SLC12A1: variants seen among roughly 807,000 people sequenced by gnomAD.
SLC12A1 encodes Na-K-2Cl cotransporter.
In SLC12A1, 89 loss-of-function variants were observed where a neutral mutation model predicts 130.4. The observed-to-expected ratio is 0.68, with a 90% confidence interval of 0.58 to 0.81. SLC12A1 has a LOEUF of 0.81. Among genes scored for constraint, SLC12A1 ranks in the 40% least tolerant of loss-of-function variants. The pLI is 0.00. For missense variants in SLC12A1, 1,310 were observed against 1,336.4 expected, an observed-to-expected ratio of 0.98 and a Z score of 0.31; for synonymous variants, 499 against 460.0, an observed-to-expected ratio of 1.08 and a Z score of -1.09.
chr15:48,238,407 G>T (rs923092668), intron 9 of SLC12A1, among the ~76,000 whole-genome samples: 1 of 152,152 alleles, frequency 6.6e-6, no homozygotes, highest in African/African-American at 2.4e-5. Context: ...AGACAGAAGA[G>T]GTTTGAGGCA....
In SLC12A1 at chr15:48,267,631, A is replaced by G. The variant is rs777327779; in HGVS notation, c.2225A>G (p.Asn742Ser). Residue 742 changes from asparagine (N) to serine (S), a missense_variant, in exon 18 of 27, where the codon AAC becomes AGC. By Grantham distance (46) the Asn-to-Ser change is conservative (BLOSUM62 1). Coordinates refer to ENST00000380993, the MANE Select transcript of SLC12A1 (RefSeq NM_000338.3). ...MAKKQAWLIK[N>S]KIKAFYAAVA... ...AAAAAACAGGCCTGGCTTATAAAGA[A>G]CAAAATCAAGGCTTTTTATGCTGCA... 1 of 1,613,718 alleles carries G rather than the reference A, an allele frequency of 6.2e-7. No individual in the cohort carries two copies. The highest frequency in any genetic ancestry group is 1.1e-5 in the South Asian group (1 of 91,076).
intron 12 of SLC12A1, 89 bp downstream of exon 12, chr15:48,247,105 C>A: frequency 9.1e-7 from 1 of 1,104,394 alleles, no homozygotes; most frequent in South Asian, 1.4e-5. Context: ...CACTGGCAAT[C>A]ATTTTCCATC....
In SLC12A1 at chr15:48,220,718, G is replaced by A. The variant is rs772625273; in HGVS notation, c.505G>A (p.Asp169Asn). ...PGDEQAENKE[D>N]DQAGVVKFGW... is the part of the protein sequence containing the mutation. Reference sequence around the variant, plus strand: ...AGATGAACAAGCTGAAAATAAGGAAGATGATCAAGCTGGTGTTGTGAAGTT... The same window carrying A: ...AGATGAACAAGCTGAAAATAAGGAAAATGATCAAGCTGGTGTTGTGAAGTT... The change falls in exon 3 of 27, where the codon GAT becomes AAT. Residue 169 changes from aspartate to asparagine, a missense_variant. Physicochemically the swap from Asp to Asn is conservative, Grantham distance 23. Transcript: ENST00000380993. 2 of 1,613,904 alleles carry A rather than the reference G, an allele frequency of 1.2e-6. No individual in the cohort carries two copies. Among genetic ancestry groups the A allele is most frequent in the Non-Finnish European group, 1.7e-6 (2 of 1,179,852 alleles).
intron 9 of SLC12A1, among the ~76,000 whole-genome samples, chr15:48,236,092 A>AACACAC (rs56371843): frequency 4.9e-4 from 72 of 145,888 alleles, no homozygotes; most frequent in African/African-American, 1.5e-3. Flanking sequence ...AGCCATTTCT[A>AACACAC]ACACACACAC....
chr15:48,218,737 C>T (rs1269963810), intron 2 of SLC12A1, among the ~76,000 whole-genome samples: 2 of 152,162 alleles, frequency 1.3e-5, no homozygotes, highest in African/African-American at 4.8e-5. Flanking sequence ...TAATTGAGGG[C>T]TCAATCTCAG....
At chr15:48,285,743 A>G (rs1049121507) in intron 21 of SLC12A1, among the ~76,000 whole-genome samples, 1 of 152,224 alleles carries the variant, frequency 6.6e-6, no homozygotes, top group South Asian at 2.1e-4. Flanking sequence ...ATTGGTACTC[A>G]CTACCTGTAG....
chr15:48,292,030 A>C (rs1352563513), intron 24 of SLC12A1, among the ~76,000 whole-genome samples, 166 bp downstream of exon 24: 1 of 152,262 alleles, frequency 6.6e-6, no homozygotes, highest in Non-Finnish European at 1.5e-5. Context: ...TAACAAGTAC[A>C]TTCTAAAGGG....
At chr15:48,297,279 G>A (rs1179095424) in intron 24 of SLC12A1, among the ~76,000 whole-genome samples, 2 of 152,110 alleles carry the variant, frequency 1.3e-5, no homozygotes, top group African/African-American at 2.4e-5. Flanking sequence ...CAGGGTCCAG[G>A]GCTCCTTTCA....
chr15:48,245,574 T>C (rs371273280), intron 11 of SLC12A1, among the ~76,000 whole-genome samples: 7 of 152,250 alleles, frequency 4.6e-5, no homozygotes, highest in African/African-American at 1.4e-4. Flanking sequence ...TCTAGCTGCA[T>C]CCACGTTGCT....
At chr15:48,259,118 G>A in intron 16 of SLC12A1, 82 bp from the exon 17 acceptor site, 1 of 905,678 alleles carries the variant, frequency 1.1e-6, no homozygotes, top group Non-Finnish European at 1.8e-6. Context: ...CCAAGCCTCT[G>A]TACCTGTCAT....
intron 17 of SLC12A1, among the ~76,000 whole-genome samples, chr15:48,266,601 C>T (rs1371296366): frequency 1.3e-5 from 2 of 152,078 alleles, no homozygotes; most frequent in African/African-American, 2.4e-5. Context: ...CTTCAATACC[C>T]ACAAGGCTGC....
intron 26 of SLC12A1, 124 bp downstream of exon 26, chr15:48,301,506 G>GGGGGT (rs1566862556): frequency 5.5e-6 from 3 of 546,442 alleles, no homozygotes; most frequent in Non-Finnish European, 9.1e-6. Flanking sequence ...TTTTTTTGGG[G>GGGGGT]GGGGGAACAC....
chr15:48,287,969 C>T, intron 21 of SLC12A1, 74 bp from the exon 22 acceptor site: 1 of 1,501,762 alleles, frequency 6.7e-7, no homozygotes, highest in Non-Finnish European at 9.0e-7. Flanking sequence ...ATTTTCATCA[C>T]TAGATTGATT....
At chr15:48,241,652 G>A (rs1357341317) in intron 10 of SLC12A1, 53 bp downstream of exon 10, 10 of 1,279,666 alleles carry the variant, frequency 7.8e-6, no homozygotes, top group Non-Finnish European at 1.1e-5. Context: ...GGGTCCAGTT[G>A]TTCACGTCTA....
At chr15:48,267,244 C>T (rs1196638719) in intron 17 of SLC12A1, among the ~76,000 whole-genome samples, 1 of 152,176 alleles carries the variant, frequency 6.6e-6, no homozygotes, top group African/African-American at 2.4e-5. Flanking sequence ...TGTATTTATC[C>T]TAAGCCTCTT....
chr15:48,277,569 G>A (rs2041966692), intron 20 of SLC12A1, among the ~76,000 whole-genome samples: 1 of 151,980 alleles, frequency 6.6e-6, no homozygotes, highest in Non-Finnish European at 1.5e-5. Context: ...AAAAAGATCA[G>A]CAAGAACTGA....
At chr15:48,220,611 T>G in intron 2 of SLC12A1, 23 bp from the exon 3 acceptor site, 1 of 1,607,680 alleles carries the variant, frequency 6.2e-7, no homozygotes, top group Non-Finnish European at 8.5e-7. Context: ...AACTACTGTG[T>G]TTTTGCTATC....
chr15:48,253,996 T>C (rs2041676033), intron 15 of SLC12A1, among the ~76,000 whole-genome samples: 1 of 152,354 alleles, frequency 6.6e-6, no homozygotes, highest in Middle Eastern at 3.4e-3. Context: ...TTAGTTGTTT[T>C]ATTATTATTC....
At chr15:48,276,569 G>A (rs564102716) in intron 20 of SLC12A1, among the ~76,000 whole-genome samples, 2 of 152,288 alleles carry the variant, frequency 1.3e-5, no homozygotes, top group African/African-American at 4.8e-5. Context: ...CAAGGAATGA[G>A]GCCTCAGAAT....
Sources: gnomAD v4.1 joint callset for allele counts (sites outside exome capture counted in the v4.1 genomes callset) on GRCh38, gnomAD v4.1.1 for gene constraint, MANE v1.5 for transcripts, NCBI Gene and HGNC (gene_info 2026-07-23, HGNC 2026-07-21) for gene names.